The following MYO3B variants were observed in gnomAD, a reference collection of about 807,000 sequenced individuals.
MYO3B encodes the protein myosin IIIB.
Under a neutral mutation model 174.6 loss-of-function variants are expected in MYO3B, and 156 were observed. That is an observed-to-expected ratio of 0.89 (90% confidence interval 0.78 to 1.02). The LOEUF (loss-of-function observed/expected upper bound fraction) is 1.02. MYO3B is among the 50% of genes least tolerant of loss of function. The probability of loss-of-function intolerance (pLI) is 0.00; values close to 1 mark genes in which losing one functional copy is unlikely to be tolerated. For missense variants in MYO3B, 1,632 were observed against 1,639.4 expected (o/e 1.00, Z 0.08); for synonymous variants, 563 against 569.1 (o/e 0.99, Z 0.15).
intron 9 of MYO3B, among the ~76,000 whole-genome samples, chr2:170,380,551 C>T (rs1393354594): frequency 6.6e-6 from 1 of 152,160 alleles, no homozygotes; most frequent in Non-Finnish European, 1.5e-5. Flanking sequence ...TGCTTTCCTC[C>T]TAAACCGCAT....
intron 28 of MYO3B, among the ~76,000 whole-genome samples, chr2:170,507,048 TTATCA>T (rs1326009131): frequency 6.6e-6 from 1 of 152,198 alleles, no homozygotes; most frequent in African/African-American, 2.4e-5. Context: ...CTCACTGTCT[TTATCA>T]GAGGAAGCAC....
intron 32 of MYO3B, among the ~76,000 whole-genome samples, chr2:170,553,854 A>G (rs138167436): frequency 0.015 from 2,272 of 152,256 alleles, 28 homozygotes; most frequent in South Asian, 0.023. Context: ...TGCTGTTCTC[A>G]TGATAGTGAG....
chr2:170,519,233 T>C (rs914202385), intron 29 of MYO3B, among the ~76,000 whole-genome samples: 1 of 152,138 alleles, frequency 6.6e-6, no homozygotes, highest in Non-Finnish European at 1.5e-5. Context: ...TGAAAACAGT[T>C]TGCTGACTGA....
intron 22 of MYO3B, among the ~76,000 whole-genome samples, chr2:170,432,885 T>A (rs1460610093): frequency 1.3e-5 from 2 of 152,136 alleles, no homozygotes; most frequent in Admixed American, 6.5e-5. Context: ...AAAAAAGAAA[T>A]CTTTTGTATA....
At chr2:170,375,687 T>A (rs954413661) in intron 9 of MYO3B, among the ~76,000 whole-genome samples, 3 of 149,506 alleles carry the variant, frequency 2.0e-5, no homozygotes, top group African/African-American at 7.3e-5. Context: ...TTGCTCACTC[T>A]CTCCCTCTTC....
At chr2:170,604,795 G>A (rs1207992773) in intron 32 of MYO3B, among the ~76,000 whole-genome samples, 2 of 152,170 alleles carry the variant, frequency 1.3e-5, no homozygotes, top group Non-Finnish European at 1.5e-5. Context: ...TTCAGAAAGA[G>A]GCCACACAAT....
intron 25 of MYO3B, among the ~76,000 whole-genome samples, chr2:170,478,574 T>G (rs1685462499): frequency 8.4e-5 from 1 of 11,956 alleles, no homozygotes; most frequent in Non-Finnish European, 7.0e-4. Context: ...TTTTTTTGTG[T>G]TTTTTTTTTT....
intron 22 of MYO3B, among the ~76,000 whole-genome samples, chr2:170,431,750 C>T (rs147164924): frequency 6.6e-6 from 1 of 152,168 alleles, no homozygotes; most frequent in Non-Finnish European, 1.5e-5. Context: ...CTGTGCATAC[C>T]TTTCTTCAAT....
At chr2:170,431,009 C>T (rs1481894415) in intron 22 of MYO3B, among the ~76,000 whole-genome samples, 2 of 152,046 alleles carry the variant, frequency 1.3e-5, no homozygotes, top group African/African-American at 2.4e-5. Flanking sequence ...CAGGACCATC[C>T]CTGATTGCTC....
intron 6 of MYO3B, among the ~76,000 whole-genome samples, chr2:170,228,960 C>CAAAAAAA (rs539746576): frequency 3.1e-5 from 3 of 98,324 alleles, no homozygotes; most frequent in African/African-American, 3.4e-5. Context: ...ATTCCCTTTA[C>CAAAAAAA]AAAAAAAAAA....
intron 32 of MYO3B, among the ~76,000 whole-genome samples, chr2:170,595,799 T>C (rs1366288700): frequency 6.6e-6 from 1 of 152,150 alleles, no homozygotes; most frequent in Non-Finnish European, 1.5e-5. Context: ...GAGCATGCCA[T>C]CTGTGCCTTC....
chr2:170,396,461 G>A (rs369661800), intron 16 of MYO3B, among the ~76,000 whole-genome samples: 3 of 152,124 alleles, frequency 2.0e-5, no homozygotes, highest in East Asian at 1.9e-4. Flanking sequence ...CCCAAGGTTA[G>A]GACTGATGGA....
chr2:170,195,242 T>G (rs1465886559), intron 1 of MYO3B, among the ~76,000 whole-genome samples: 2 of 152,020 alleles, frequency 1.3e-5, no homozygotes, highest in Non-Finnish European at 2.9e-5. Context: ...AGAGGCATTC[T>G]GTTTTCATGC....
At chr2:170,618,816 G>C (rs1340007576) in intron 32 of MYO3B, among the ~76,000 whole-genome samples, 1 of 151,488 alleles carries the variant, frequency 6.6e-6, no homozygotes, top group African/African-American at 2.4e-5. Flanking sequence ...TTTGTATGTA[G>C]AAGTACAGTA....
intron 22 of MYO3B, among the ~76,000 whole-genome samples, chr2:170,434,349 C>A (rs1388758925): frequency 6.6e-6 from 1 of 152,112 alleles, no homozygotes; most frequent in Non-Finnish European, 1.5e-5. Context: ...ATAAAATTTT[C>A]TTTTTGATTC....
rs191063755 is a variant in MYO3B, at chr2:170,337,080, A to G, written c.815+1630A>G. Among the ~76,000 whole-genome samples, 9 of 151,998 alleles carry G rather than the reference A, an allele frequency of 5.9e-5. No individual in the cohort carries two copies. The East Asian group carries it at 1.7e-3, about 29-fold the overall frequency. ...TAGGAGCAGCCACCAGTCAAAGGTG[A>G]TGGTGTCAGGCCATGTTGAGAGGAA... On this transcript the variant is annotated intron_variant, in intron 8 of 34. Transcript: ENST00000408978.
At chr2:170,311,878 A>G (rs1344599621) in intron 7 of MYO3B, among the ~76,000 whole-genome samples, 1 of 152,072 alleles carries the variant, frequency 6.6e-6, no homozygotes, top group Non-Finnish European at 1.5e-5. Context: ...TCTCCATTGA[A>G]TGGTCTTGGC....
At chr2:170,223,441 C>T (rs1036481037) in intron 6 of MYO3B, among the ~76,000 whole-genome samples, 6 of 152,274 alleles carry the variant, frequency 3.9e-5, no homozygotes, top group South Asian at 4.1e-4. Context: ...GAGTGCCACT[C>T]GGGCATGATT....
intron 34 of MYO3B, 52 bp from the exon 35 acceptor site, chr2:170,652,931 G>A: frequency 1.2e-6 from 2 of 1,607,052 alleles, no homozygotes; most frequent in Non-Finnish European, 1.7e-6. Flanking sequence ...AGTGATGATT[G>A]TAACATTTGT....
Sources: allele counts gnomAD v4.1 joint callset (sites outside exome capture counted in the v4.1 genomes callset), GRCh38; gene constraint gnomAD v4.1.1; transcripts MANE v1.5; gene names NCBI Gene and HGNC (gene_info 2026-07-23, HGNC 2026-07-21).